INO80: variants seen among roughly 807,000 people sequenced by gnomAD.
The protein encoded by INO80 is INO80 complex ATPase subunit.
INO80 carries 20 observed loss-of-function variants against 203.4 expected under a neutral mutation model. The ratio of observed to expected loss-of-function variants is 0.10; its 90% CI spans 0.07 to 0.14. The LOEUF is 0.14. Among genes scored for constraint, INO80 ranks in the 10% least tolerant of loss-of-function variants. The pLI, the probability that INO80 is intolerant of heterozygous loss-of-function variation, is 1.00. For missense variants in INO80, 1,419 were observed against 1,914.4 expected (o/e 0.74, Z 4.83); for synonymous variants, 726 against 685.2 (o/e 1.06, Z -0.93).
At chr15:41,092,475 C>G (rs2045659737) in intron 4 of INO80, among the ~76,000 whole-genome samples, 1 of 152,002 alleles carries the variant, frequency 6.6e-6, no homozygotes, top group African/African-American at 2.4e-5. Flanking sequence ...CATATACATA[C>G]AAACTATACA....
intron 29 of INO80, among the ~76,000 whole-genome samples, chr15:40,993,253 ATC>A (rs1482083766): frequency 1.3e-5 from 2 of 151,670 alleles, no homozygotes; most frequent in East Asian, 3.9e-4. Flanking sequence ...CAAGGTGCAG[ATC>A]TCTCTTTAAA....
At position 41,095,817 on chromosome 15, in the gene INO80, A is replaced by G; in HGVS notation, c.255T>C (p.Ser85=). 1.2e-6 allele frequency: 2 copies of G among 1,614,198 alleles called. No individual in the cohort carries two copies. The highest frequency in any genetic ancestry group is 1.7e-6 in the Non-Finnish European group (2 of 1,180,022). The change falls in exon 3 of 36, where the codon TCT becomes TCC. Residue 85 remains serine, a synonymous_variant. Coordinates refer to ENST00000648947, the MANE Select transcript of INO80 (RefSeq NM_017553.3). ...EPPNSLLGET[S]GAGSSGMLNT... is the part of the protein sequence containing the mutation. ...TTAACATTCCAGAACTGCCTGCTCC[A>G]GAAGTTTCACCAAGCAATGAATTTG...
intron 1 of INO80, 39 bp from the exon 2 acceptor site, chr15:41,096,392 A>ATCCATTC (rs1406911205): frequency 7.2e-7 from 1 of 1,382,220 alleles, no homozygotes; most frequent in Non-Finnish European, 9.6e-7. Context: ...TGAAATTACT[A>ATCCATTC]TCCATTCTCC....
At chr15:41,032,018 C>CACAGCACAGG (rs2044489728) in intron 24 of INO80, among the ~76,000 whole-genome samples, 3 of 83,800 alleles carry the variant, frequency 3.6e-5, no homozygotes, top group South Asian at 4.9e-4. Flanking sequence ...CACAGCACAG[C>CACAGCACAGG]ACAGCACAGC....
intron 27 of INO80, among the ~76,000 whole-genome samples, chr15:41,007,527 A>T (rs2044064633): frequency 6.6e-6 from 1 of 152,040 alleles, no homozygotes; most frequent in Admixed American, 6.6e-5. Flanking sequence ...AAAAGCATTG[A>T]TGAATGAATC....
At position 40,980,394 on chromosome 15, in the gene INO80, A is replaced by G. The variant is rs1596227234; in HGVS notation, c.4500T>C (p.Ala1500=). 1.2e-6 allele frequency: 2 copies of G among 1,613,806 alleles called. No homozygotes were observed. Among genetic ancestry groups the G allele is most frequent in the Non-Finnish European group, 1.7e-6 (2 of 1,180,028 alleles). The change falls in exon 36 of 36, where the codon GCT becomes GCC. Residue 1500 remains alanine (A), a synonymous_variant. Coordinates refer to ENST00000648947, the MANE Select transcript of INO80 (RefSeq NM_017553.3). ...TTGAAGGTCCAAAGTCAGCAAGGCC[A>G]GCAGGCCGAACAAGGGATGTCTGCA... ...SPLQTSLVRP[A]GLADFGPSSA...
At chr15:41,037,628 AAG>A (rs2044600019) in intron 24 of INO80, among the ~76,000 whole-genome samples, 1 of 152,302 alleles carries the variant, frequency 6.6e-6, no homozygotes, top group African/African-American at 2.4e-5. Flanking sequence ...CAGTATTCAC[AAG>A]AGTTTTTCAT....
chr15:41,080,709 G>A (rs1261094503), intron 8 of INO80, among the ~76,000 whole-genome samples: 1 of 152,078 alleles, frequency 6.6e-6, no homozygotes, highest in Non-Finnish European at 1.5e-5. Context: ...AAAAATTATA[G>A]GGCATGATGG....
At chr15:41,082,033 T>C (rs1357788026) in intron 7 of INO80, among the ~76,000 whole-genome samples, 1 of 151,416 alleles carries the variant, frequency 6.6e-6, no homozygotes, top group Non-Finnish European at 1.5e-5. Flanking sequence ...GTGGATCACT[T>C]GAGGTAATGA....
At position 41,059,905 on chromosome 15, in the gene INO80, G is replaced by A; in HGVS notation, c.1804C>T (p.Pro602Ser). Reference sequence around the variant, plus strand: ...CTTCTGATGACTTTTCTATCATGAGGATTTCCCCAATATGGTAGCACCTAG... The same window carrying A: ...CTTCTGATGACTTTTCTATCATGAGAATTTCCCCAATATGGTAGCACCTAG... ...KFKVLPYWGN[P>S]HDRKVIRRFW... The change falls in exon 15 of 36, where the codon CCT becomes TCT. Residue 602 changes from proline (P) to serine (S), a missense_variant. Pro to Ser is a moderately conservative substitution (Grantham distance 74). Around this residue, in one of 9 missense-constraint regions of INO80, gnomAD observed 192 missense variants for 406.7 expected, o/e 0.47. Coordinates refer to ENST00000648947, the MANE Select transcript of INO80 (RefSeq NM_017553.3). 6.2e-7 allele frequency: 1 copy of A among 1,611,098 alleles called. No individual in the cohort carries two copies. The highest frequency in any genetic ancestry group is 8.5e-7 in the Non-Finnish European group (1 of 1,177,928).
chr15:41,095,790 G>T lies in INO80; in HGVS notation c.282C>A (p.Asn94Lys). The T allele has an allele frequency of 6.2e-7, 1 of 1,614,128 alleles. No individual in the cohort carries two copies. Among genetic ancestry groups the T allele is most frequent in the South Asian group, 1.1e-5 (1 of 91,088 alleles). ...GTAGAACTCCATTCAGAGAATATGT[G>T]TTTAACATTCCAGAACTGCCTGCTC... is the stretch of plus-strand genomic sequence containing the variant. ...TSGAGSSGMLNTYSLNGVLQS... is the reference protein window; with the variant it reads ...TSGAGSSGMLKTYSLNGVLQS... The change falls in exon 3 of 36, where the codon AAC becomes AAA. Residue 94 changes from asparagine to lysine, a missense_variant. By Grantham distance (94) the Asn-to-Lys change is moderately conservative. This residue lies in a region of INO80 where 323 missense variants were observed against 325.4 expected (regional missense o/e 0.99). Coordinates refer to ENST00000648947, the MANE Select transcript of INO80 (RefSeq NM_017553.3).
chr15:41,046,648 C>T (rs530894101), intron 23 of INO80, among the ~76,000 whole-genome samples: 122 of 151,826 alleles, frequency 8.0e-4, no homozygotes, highest in African/African-American at 2.7e-3. Context: ...GACCGAGTCT[C>T]ATTCTGTTGT....
intron 10 of INO80, 132 bp from the exon 11 acceptor site, chr15:41,073,627 G>A: frequency 1.3e-6 from 1 of 745,904 alleles, no homozygotes. Context: ...GGTGGGGGAA[G>A]AGAAAGGCTA....
intron 24 of INO80, among the ~76,000 whole-genome samples, chr15:41,043,777 C>T (rs2044707786): frequency 6.6e-6 from 1 of 152,162 alleles, no homozygotes; most frequent in South Asian, 2.1e-4. Context: ...GAATAAATTC[C>T]AAACCCTCAG....
intron 24 of INO80, among the ~76,000 whole-genome samples, chr15:41,032,247 T>C (rs944901813): frequency 4.6e-5 from 7 of 152,228 alleles, no homozygotes; most frequent in Non-Finnish European, 1.5e-5. Context: ...TACTCAAAAT[T>C]AGCTTTCTAC....
At chr15:41,111,311 T>C (rs1257361724) in intron 1 of INO80, among the ~76,000 whole-genome samples, 1 of 152,152 alleles carries the variant, frequency 6.6e-6, no homozygotes, top group Admixed American at 6.6e-5. Flanking sequence ...CTGGGTGTGG[T>C]GGCACATGCC....
intron 25 of INO80, among the ~76,000 whole-genome samples, chr15:41,022,290 T>G (rs1323694431): frequency 1.3e-5 from 2 of 152,292 alleles, no homozygotes; most frequent in East Asian, 3.9e-4. Flanking sequence ...TGTATCTAGT[T>G]AGGTAGTTCT....
At chr15:41,083,939 G>A (rs1170879223) in intron 7 of INO80, among the ~76,000 whole-genome samples, 2 of 152,006 alleles carry the variant, frequency 1.3e-5, no homozygotes. Flanking sequence ...AGGTTTTGTA[G>A]CGTGTTCTAA....
rs571494161 is a variant in INO80, at chr15:41,026,334, C to T, written c.3048+1262G>A. ...TTGGGAGGCCAAGACAGGTAGATAG[C>T]TTGAACTCAGGAGTTGGAGAATAGC... On this transcript the variant is annotated intron_variant, in intron 25 of 35. Transcript: ENST00000648947. 5.3e-5 allele frequency among the ~76,000 whole-genome samples: 8 copies of T among 152,172 alleles called. No homozygotes were observed. In the South Asian group the frequency reaches 1.7e-3, roughly 32 times the overall value.
Sources: gnomAD v4.1 joint callset for allele counts (sites outside exome capture counted in the v4.1 genomes callset) on GRCh38, gnomAD v4.1.1 for gene constraint, gnomAD v4.1.1 regional missense constraint, MANE v1.5 for transcripts, NCBI Gene and HGNC (gene_info 2026-07-23, HGNC 2026-07-21) for gene names.